Variants in ABCA13 observed in about 807,000 individuals in gnomAD.
ABCA13 encodes the protein ATP binding cassette subfamily A member 13.
Under a neutral mutation model 478.7 loss-of-function variants are expected in ABCA13, and 476 were observed. The observed-to-expected ratio is 0.99, with a 90% confidence interval of 0.92 to 1.07. The LOEUF (loss-of-function observed/expected upper bound fraction) is 1.07. Ranked by LOEUF, ABCA13 falls within the 50% of genes least tolerant of loss-of-function variation. ABCA13 has a pLI of 0.00. For synonymous variants in ABCA13, 2,252 were observed against 2,158.9 expected (o/e 1.04, Z -1.20); for missense variants, 6,060 against 5,910.6 (o/e 1.03, Z -0.83).
At chr7:48,200,986 G>T (rs939168058) in intron 3 of ABCA13, among the ~76,000 whole-genome samples, 2 of 140,042 alleles carry the variant, frequency 1.4e-5, no homozygotes, top group Admixed American at 1.5e-4. Context: ...AAAGGAAATA[G>T]AAAGAGAATA....
intron 15 of ABCA13, among the ~76,000 whole-genome samples, chr7:48,268,064 A>T (rs1298804082): frequency 6.6e-6 from 1 of 152,174 alleles, no homozygotes; most frequent in Non-Finnish European, 1.5e-5. Flanking sequence ...ATGACTAATG[A>T]ATTATGAATA....
intron 48 of ABCA13, among the ~76,000 whole-genome samples, chr7:48,490,710 A>G (rs971004763): frequency 6.6e-6 from 1 of 152,238 alleles, no homozygotes; most frequent in African/African-American, 2.4e-5. Flanking sequence ...ATGTAGAGGG[A>G]TAATTGTTGA....
At position 48,615,587 on chromosome 7, in the gene ABCA13, G is replaced by A. The variant is rs536644048; in HGVS notation, c.14837+210G>A. ...ACACAGTCTAGTGTTCTCCCTGTAAGGGAGACATTTTGCTTTTCTCTTGCC... is the reference window on the plus strand; with the variant it reads ...ACACAGTCTAGTGTTCTCCCTGTAAAGGAGACATTTTGCTTTTCTCTTGCC... On this transcript the variant is annotated intron_variant, in intron 59 of 61. Coordinates refer to ENST00000435803, the MANE Select transcript of ABCA13 (RefSeq NM_152701.5). Among the ~76,000 whole-genome samples, 28 of 125,180 alleles carry A rather than the reference G, an allele frequency of 2.2e-4. 1 individual carries two copies. The East Asian group carries it at 4.9e-3, about 22-fold the overall frequency. The allele number at this position is 125,180 out of a possible 152,430, so 82.1% of individuals were successfully genotyped here. A position where few individuals can be genotyped will look rare whatever the true frequency, so the allele number is the denominator to read the frequency against.
chr7:48,398,355 T>C (rs944442141), intron 38 of ABCA13, among the ~76,000 whole-genome samples: 1 of 152,076 alleles, frequency 6.6e-6, no homozygotes, highest in African/African-American at 2.4e-5. Context: ...GCGCACAGAG[T>C]GTTACCTAGC....
At chr7:48,293,192 G>GCCA (rs1554419600) in intron 20 of ABCA13, among the ~76,000 whole-genome samples, 3 of 108,280 alleles carry the variant, frequency 2.8e-5, no homozygotes, top group East Asian at 4.1e-4. Context: ...GAAGTCTTCA[G>GCCA]CCCCCCCCCC....
chr7:48,632,616 C>T (rs1402847780), intron 59 of ABCA13, among the ~76,000 whole-genome samples: 1 of 151,826 alleles, frequency 6.6e-6, no homozygotes, highest in Non-Finnish European at 1.5e-5. Flanking sequence ...GAGGTAGGGT[C>T]CCAACTTCAT....
chr7:48,259,499 C>T (rs972766656), intron 15 of ABCA13, among the ~76,000 whole-genome samples: 19 of 152,210 alleles, frequency 1.2e-4, no homozygotes, highest in African/African-American at 4.6e-4. Context: ...GGTGTCATCG[C>T]ATGTGAGATG....
intron 49 of ABCA13, 145 bp from the exon 50 acceptor site, chr7:48,507,726 GA>G: frequency 1.1e-6 from 1 of 920,422 alleles, no homozygotes; most frequent in Non-Finnish European, 1.6e-6. Flanking sequence ...TTTAATGAGG[GA>G]ATCCATGCCC....
chr7:48,481,405 C>G (rs1289056597), intron 46 of ABCA13, among the ~76,000 whole-genome samples: 1 of 151,960 alleles, frequency 6.6e-6, no homozygotes, highest in Non-Finnish European at 1.5e-5. Context: ...AATACAAAAA[C>G]AAACAAAAAA....
chr7:48,527,261 C>T (rs929330902), intron 54 of ABCA13, among the ~76,000 whole-genome samples: 5 of 151,868 alleles, frequency 3.3e-5, no homozygotes, highest in African/African-American at 4.8e-5. Context: ...GCAGGGAAAG[C>T]GGGGAAAACA....
chr7:48,508,009 G>A lies in ABCA13; in HGVS notation c.13484G>A (p.Gly4495Asp). Residue 4495 changes from glycine (G) to aspartate (D), a missense_variant, in exon 50 of 62, where the codon GGC becomes GAC. Coordinates refer to ENST00000435803, the MANE Select transcript of ABCA13 (RefSeq NM_152701.5). Reference sequence around the variant, plus strand: ...AGGTTGCAGCACATAAGTGGCCTTGGCTACAGGATGTACTGGTTCACAAAC... The same window carrying A: ...AGGTTGCAGCACATAAGTGGCCTTGACTACAGGATGTACTGGTTCACAAAC... ...AKRLQHISGL[G>D]YRMYWFTNFL... 1 of 1,613,882 alleles carries A rather than the reference G, an allele frequency of 6.2e-7. No individual in the cohort carries two copies. Among genetic ancestry groups the A allele is most frequent in the South Asian group, 1.1e-5 (1 of 91,084 alleles).
chr7:48,268,146 T>G lies in ABCA13; in HGVS notation c.2006-834T>G, dbSNP rs566244342. On this transcript the variant is annotated intron_variant, in intron 15 of 61. Transcript: ENST00000435803. ...CCAGAAACGGTTATCTTTAATCCTT[T>G]AAAAAAATTATTTATTTATTTATTT... Among the ~76,000 whole-genome samples the G allele has an allele frequency of 2.6e-5, 4 of 152,158 alleles. No individual in the cohort carries two copies. In the East Asian group the frequency reaches 7.7e-4, roughly 29 times the overall value.
intron 47 of ABCA13, among the ~76,000 whole-genome samples, chr7:48,488,412 T>A (rs573511797): frequency 9.2e-5 from 14 of 152,204 alleles, no homozygotes; most frequent in African/African-American, 3.1e-4. Context: ...GGATTTGAGA[T>A]CTGGTCCAAA....
chr7:48,263,057 A>G (rs983110869), intron 15 of ABCA13, among the ~76,000 whole-genome samples: 11 of 151,938 alleles, frequency 7.2e-5, no homozygotes, highest in African/African-American at 1.4e-4. Flanking sequence ...TATTGTGCAC[A>G]CCTGATTTGC....
chr7:48,259,727 T>C (rs1238741856), intron 15 of ABCA13, among the ~76,000 whole-genome samples: 1 of 152,094 alleles, frequency 6.6e-6, no homozygotes, highest in Non-Finnish European at 1.5e-5. Context: ...AGTGTTTTTT[T>C]TTTGTGGCGC....
At chr7:48,238,087 A>ATGACAATTG (rs1267814359) in intron 8 of ABCA13, among the ~76,000 whole-genome samples, 1 of 152,248 alleles carries the variant, frequency 6.6e-6, no homozygotes, top group Non-Finnish European at 1.5e-5. Flanking sequence ...TGTTTAGTCA[A>ATGACAATTG]TTCAGGCTGT....
chr7:48,439,526 T>G (rs1823295865), intron 42 of ABCA13, among the ~76,000 whole-genome samples: 1 of 152,148 alleles, frequency 6.6e-6, no homozygotes, highest in African/African-American at 2.4e-5. Context: ...AAAATAAATC[T>G]TGACATAAAC....
intron 59 of ABCA13, among the ~76,000 whole-genome samples, chr7:48,630,328 G>A (rs950956155): frequency 2.0e-5 from 3 of 152,036 alleles, no homozygotes; most frequent in African/African-American, 7.2e-5. Context: ...CCACCCTCAA[G>A]TAGGCTCCAG....
At position 48,475,655 on chromosome 7, in the gene ABCA13, G is replaced by A. The variant is rs140165575; in HGVS notation, c.12975+4056G>A. ...TAATTTTTGTATTTTTAGTAGAGAT[G>A]GGGTTTCACCATCTTGGCCAGGCTG... On this transcript the variant is annotated intron_variant, in intron 45 of 61. Transcript: ENST00000435803. 7.7e-3 allele frequency among the ~76,000 whole-genome samples: 1,170 copies of A among 151,790 alleles called. 8 individuals are homozygous for A. The highest frequency in any genetic ancestry group is 0.013 in the Non-Finnish European group (914 of 67,912).
Sources: gnomAD v4.1 joint callset for allele counts (sites outside exome capture counted in the v4.1 genomes callset) on GRCh38, gnomAD v4.1.1 for gene constraint, MANE v1.5 for transcripts, NCBI Gene and HGNC (gene_info 2026-07-23, HGNC 2026-07-21) for gene names.